The following TBC1D4 variants were observed in gnomAD, a reference collection of about 807,000 sequenced individuals.
TBC1D4 encodes TBC (Tre-2, BUB2, CDC16) domain-containing protein.
Under a neutral mutation model 142.5 loss-of-function variants are expected in TBC1D4, and 121 were observed. The observed-to-expected ratio is 0.85, with a 90% confidence interval of 0.73 to 0.99. TBC1D4 has a LOEUF of 0.99. Ranked by LOEUF, TBC1D4 falls within the 50% of genes least tolerant of loss-of-function variation. The probability of loss-of-function intolerance (pLI) is 0.00; values close to 1 mark genes in which losing one functional copy is unlikely to be tolerated. For missense variants in TBC1D4, 1,475 were observed against 1,606.6 expected (o/e 0.92, Z 1.40); for synonymous variants, 630 against 628.2 (o/e 1.00, Z -0.04).
At chr13:75,315,598 C>T (rs2137958642) in intron 12 of TBC1D4, among the ~76,000 whole-genome samples, 1 of 152,004 alleles carries the variant, frequency 6.6e-6, no homozygotes, top group South Asian at 2.1e-4. Context: ...CAGTTATTTG[C>T]TAAATGCCCA....
At chr13:75,393,466 A>C (rs1308045559) in intron 1 of TBC1D4, among the ~76,000 whole-genome samples, 2 of 152,186 alleles carry the variant, frequency 1.3e-5, no homozygotes, top group Non-Finnish European at 1.5e-5. Context: ...CCTTTGCCGC[A>C]TTCGATCCAC....
intron 16 of TBC1D4, 53 bp downstream of exon 16, chr13:75,302,188 AAC>A (rs1876631584): frequency 3.7e-6 from 6 of 1,610,020 alleles, no homozygotes; most frequent in African/African-American, 1.3e-5. Flanking sequence ...AAAAAAACTT[AAC>A]AGAGGGATCA....
chr13:75,312,211 A>G (rs1244807538), intron 13 of TBC1D4, among the ~76,000 whole-genome samples: 1 of 151,986 alleles, frequency 6.6e-6, no homozygotes, highest in Admixed American at 6.5e-5. Context: ...TATATTGTAT[A>G]TATTCCTTTA....
chr13:75,308,268 A>C (rs1235985136), intron 14 of TBC1D4, among the ~76,000 whole-genome samples: 1 of 152,176 alleles, frequency 6.6e-6, no homozygotes, highest in Non-Finnish European at 1.5e-5. Context: ...TTAACCTGTA[A>C]AATCATATAG....
At chr13:75,471,456 A>C (rs1888395828) in intron 1 of TBC1D4, among the ~76,000 whole-genome samples, 1 of 152,212 alleles carries the variant, frequency 6.6e-6, no homozygotes, top group Non-Finnish European at 1.5e-5. Flanking sequence ...AACTAGACAA[A>C]GCCAGGCCGG....
chr13:75,386,195 A>G (rs1220424934), intron 1 of TBC1D4, among the ~76,000 whole-genome samples: 1 of 152,224 alleles, frequency 6.6e-6, no homozygotes, highest in African/African-American at 2.4e-5. Context: ...CAACTACTGC[A>G]TTAAAGCCTT....
At chr13:75,384,346 G>A (rs1291043103) in intron 1 of TBC1D4, among the ~76,000 whole-genome samples, 1 of 152,098 alleles carries the variant, frequency 6.6e-6, no homozygotes, top group African/African-American at 2.4e-5. Flanking sequence ...TGAGACAGGA[G>A]GATCGCTTGA....
At chr13:75,449,685 A>G (rs757998819) in intron 1 of TBC1D4, among the ~76,000 whole-genome samples, 3 of 150,998 alleles carry the variant, frequency 2.0e-5, no homozygotes, top group Non-Finnish European at 4.4e-5. Context: ...TCTTGGGTTC[A>G]AGCTATTCTC....
intron 1 of TBC1D4, among the ~76,000 whole-genome samples, chr13:75,440,995 G>A (rs532883676): frequency 2.0e-5 from 3 of 152,188 alleles, no homozygotes; most frequent in African/African-American, 7.2e-5. Context: ...CGGTGCTCAC[G>A]CCTGTAATTC....
chr13:75,327,728 T>C (rs1295439380), intron 9 of TBC1D4, 24 bp downstream of exon 9: 1 of 1,612,994 alleles, frequency 6.2e-7, no homozygotes, highest in Admixed American at 1.7e-5. Flanking sequence ...TTGCAATTAG[T>C]GTAAACAAGC....
chr13:75,401,972 T>TC (rs1885115569), intron 1 of TBC1D4, among the ~76,000 whole-genome samples: 1 of 152,194 alleles, frequency 6.6e-6, no homozygotes, highest in Non-Finnish European at 1.5e-5. Flanking sequence ...AGTGAACACT[T>TC]CAAACACAAA....
At chr13:75,378,282 G>A (rs999128774) in intron 1 of TBC1D4, among the ~76,000 whole-genome samples, 7 of 152,020 alleles carry the variant, frequency 4.6e-5, no homozygotes, top group Non-Finnish European at 1.0e-4. Flanking sequence ...CTTTTGGAAT[G>A]TTTTGTTTTA....
chr13:75,341,066 G>C, intron 7 of TBC1D4, 59 bp downstream of exon 7: 1 of 1,503,632 alleles, frequency 6.7e-7, no homozygotes, highest in Non-Finnish European at 9.3e-7. Flanking sequence ...ACAAAGGGAA[G>C]AATTAACAAA....
At chr13:75,306,744 G>A (rs1307945602) in intron 14 of TBC1D4, among the ~76,000 whole-genome samples, 1 of 152,028 alleles carries the variant, frequency 6.6e-6, no homozygotes, top group Non-Finnish European at 1.5e-5. Flanking sequence ...AAAGTAAACC[G>A]TGTTGATCAT....
At chr13:75,470,909 C>T (rs974302210) in intron 1 of TBC1D4, among the ~76,000 whole-genome samples, 3 of 151,820 alleles carry the variant, frequency 2.0e-5, no homozygotes, top group African/African-American at 7.3e-5. Context: ...ATCACTTCAA[C>T]CTAAGAGGTG....
intron 1 of TBC1D4, among the ~76,000 whole-genome samples, chr13:75,440,529 T>C (rs1886994005): frequency 1.3e-5 from 2 of 152,078 alleles, no homozygotes; most frequent in East Asian, 3.8e-4. Context: ...CCTATGTTTA[T>C]ATCACCATAT....
At chr13:75,414,189 T>C (rs1388401957) in intron 1 of TBC1D4, among the ~76,000 whole-genome samples, 12 of 152,240 alleles carry the variant, frequency 7.9e-5, no homozygotes. Flanking sequence ...CCTAGGCCAC[T>C]GAACAATCTC....
chr13:75,408,767 G>C (rs1446837382), intron 1 of TBC1D4, among the ~76,000 whole-genome samples: 1 of 152,114 alleles, frequency 6.6e-6, no homozygotes, highest in Admixed American at 6.5e-5. Flanking sequence ...AGCTGTTCTG[G>C]TGGGCGTGAA....
At chr13:75,415,710 A>G (rs1333768819) in intron 1 of TBC1D4, among the ~76,000 whole-genome samples, 1 of 152,242 alleles carries the variant, frequency 6.6e-6, no homozygotes, top group Admixed American at 6.5e-5. Context: ...AATCGGAGAC[A>G]TAAAGGGTGA....
Sources: gnomAD v4.1 joint callset for allele counts (sites outside exome capture counted in the v4.1 genomes callset) on GRCh38, gnomAD v4.1.1 for gene constraint, MANE v1.5 for transcripts, NCBI Gene and HGNC (gene_info 2026-07-23, HGNC 2026-07-21) for gene names.